COMMD1: variants seen among roughly 807,000 people sequenced by gnomAD.
COMMD1 encodes the protein COMM domain-containing protein 1.
A neutral mutation model predicts 17.2 loss-of-function variants in COMMD1; 10 were observed. The observed-to-expected ratio is 0.58, with a 90% confidence interval of 0.36 to 0.99. The LOEUF (loss-of-function observed/expected upper bound fraction) is 0.99, where lower values mean the gene tolerates loss of function less well. COMMD1 is among the 50% of genes least tolerant of loss of function. The pLI is 0.01. For missense variants in COMMD1, 270 were observed against 231.8 expected (o/e 1.17, Z -1.07); for synonymous variants, 97 against 91.6 (o/e 1.06, Z -0.34).
chr2:62,081,319 T>G (rs1393968724), intron 2 of COMMD1, among the ~76,000 whole-genome samples: 10 of 151,662 alleles, frequency 6.6e-5, no homozygotes, highest in Admixed American at 5.9e-4. Flanking sequence ...TGGCGTGATC[T>G]CGGCTCACTG....
intron 2 of COMMD1, among the ~76,000 whole-genome samples, chr2:62,076,120 C>G (rs1215486407): frequency 6.6e-6 from 1 of 152,220 alleles, no homozygotes; most frequent in East Asian, 1.9e-4. Flanking sequence ...CTGACTCTGC[C>G]TGACTGTGGT....
intron 1 of COMMD1, among the ~76,000 whole-genome samples, chr2:61,993,281 G>T (rs1668644831): frequency 6.6e-6 from 1 of 152,192 alleles, no homozygotes; most frequent in Non-Finnish European, 1.5e-5. Context: ...TATTATTAGA[G>T]AATTATTTCA....
chr2:61,918,316 T>G (rs1254417707), intron 1 of COMMD1, among the ~76,000 whole-genome samples: 1 of 152,230 alleles, frequency 6.6e-6, no homozygotes, highest in African/African-American at 2.4e-5. Flanking sequence ...ACTGAACATT[T>G]TTGAGACTTT....
At chr2:61,894,449 GAA>G (rs113752125) in intron 1 of COMMD1, among the ~76,000 whole-genome samples, 33 of 141,690 alleles carry the variant, frequency 2.3e-4, no homozygotes, top group African/African-American at 8.3e-4. Context: ...CTGGAAGAAT[GAA>G]AAAAAAAAAA....
intron 1 of COMMD1, among the ~76,000 whole-genome samples, chr2:61,997,684 G>A (rs1573048167): frequency 6.6e-6 from 1 of 152,202 alleles, no homozygotes; most frequent in Admixed American, 6.5e-5. Flanking sequence ...AGCACGGGCA[G>A]AGTAGATTTA....
chr2:62,008,493 C>G (rs935612512), intron 2 of COMMD1, among the ~76,000 whole-genome samples: 1 of 152,134 alleles, frequency 6.6e-6, no homozygotes, highest in African/African-American at 2.4e-5. Context: ...TATCAACGTT[C>G]AGTCACCATT....
rs999640704 is a variant in COMMD1 at position 61,938,856 on chromosome 2, G to C, written c.180+32998G>C. Among the ~76,000 whole-genome samples, 5 of 152,264 alleles carry C rather than the reference G, an allele frequency of 3.3e-5. No homozygotes were observed. In the East Asian group the frequency reaches 9.6e-4, roughly 29 times the overall value. ...AACATTAATATTTTGACAATCAAAAGAGTATTTGTATGTCAGAACAGAAAA... is the reference window on the plus strand; with the variant it reads ...AACATTAATATTTTGACAATCAAAACAGTATTTGTATGTCAGAACAGAAAA... On this transcript the variant is annotated intron_variant, in intron 1 of 2. Coordinates refer to ENST00000311832, the MANE Select transcript of COMMD1 (RefSeq NM_152516.4).
intron 1 of COMMD1, among the ~76,000 whole-genome samples, chr2:61,950,498 G>A (rs546656726): frequency 6.6e-6 from 1 of 152,258 alleles, no homozygotes; most frequent in East Asian, 1.9e-4. Context: ...GATTAATATG[G>A]GATTCCTCTA....
At chr2:62,068,481 T>G (rs958504808) in intron 2 of COMMD1, among the ~76,000 whole-genome samples, 2 of 152,106 alleles carry the variant, frequency 1.3e-5, no homozygotes, top group African/African-American at 4.8e-5. Flanking sequence ...TTAGACTTCA[T>G]CAAAATTAAA....
At chr2:61,895,834 A>G (rs1267821423) in intron 1 of COMMD1, among the ~76,000 whole-genome samples, 1 of 152,138 alleles carries the variant, frequency 6.6e-6, no homozygotes, top group East Asian at 1.9e-4. Context: ...TAATAGGCGC[A>G]TTGTCTGCAG....
intron 1 of COMMD1, among the ~76,000 whole-genome samples, chr2:61,922,264 G>T (rs904349012): frequency 8.5e-5 from 13 of 152,150 alleles, no homozygotes; most frequent in Non-Finnish European, 1.8e-4. Flanking sequence ...TTGTTAATCT[G>T]GTTTTGAAGA....
intron 1 of COMMD1, chr2:61,918,499 C>G (rs1670104743): frequency 6.6e-6 from 1 of 152,140 alleles, no homozygotes; most frequent in Non-Finnish European, 1.5e-5. Flanking sequence ...GCCAAATGTC[C>G]TGTAAATCTT....
chr2:62,086,402 T>C (rs1671669680), intron 2 of COMMD1, among the ~76,000 whole-genome samples: 2 of 149,836 alleles, frequency 1.3e-5, no homozygotes, highest in African/African-American at 4.9e-5. Flanking sequence ...TCCCAGCTGC[T>C]GGGAAGGCTG....
chr2:62,067,519 G>A (rs112995163), intron 2 of COMMD1, among the ~76,000 whole-genome samples: 36 of 152,194 alleles, frequency 2.4e-4, no homozygotes, highest in Non-Finnish European at 4.6e-4. Flanking sequence ...AGAGTAACAA[G>A]AGAAAAGCTT....
chr2:61,940,634 C>G (rs1279601877), intron 1 of COMMD1, among the ~76,000 whole-genome samples: 1 of 152,058 alleles, frequency 6.6e-6, no homozygotes, highest in Non-Finnish European at 1.5e-5. Context: ...ATTTTCCAGT[C>G]TAGGGCAAAT....
chr2:61,901,656 A>G (rs1669659233), upstream of COMMD1, among the ~76,000 whole-genome samples: 1 of 152,182 alleles, frequency 6.6e-6, no homozygotes, highest in African/African-American at 2.4e-5. Flanking sequence ...AGGACCTACT[A>G]CTTATTTAAT....
At chr2:62,063,131 C>T (rs960771445) in intron 2 of COMMD1, among the ~76,000 whole-genome samples, 8 of 152,060 alleles carry the variant, frequency 5.3e-5, no homozygotes, top group Admixed American at 1.3e-4. Flanking sequence ...GCAGGAGAAT[C>T]GCTTGAACCC....
intron 2 of COMMD1, among the ~76,000 whole-genome samples, chr2:62,071,994 G>GTT (rs35662724): frequency 2.8e-5 from 4 of 144,994 alleles, no homozygotes; most frequent in Non-Finnish European, 4.6e-5. Flanking sequence ...TTGTTAAATT[G>GTT]TTTTTTTTTT....
At chr2:62,013,106 T>C (rs1434292598) in intron 2 of COMMD1, among the ~76,000 whole-genome samples, 4 of 152,110 alleles carry the variant, frequency 2.6e-5, no homozygotes, top group Non-Finnish European at 4.4e-5. Context: ...GATTCACCTA[T>C]GGAGAATGGA....
Sources: allele counts gnomAD v4.1 joint callset (sites outside exome capture counted in the v4.1 genomes callset), GRCh38; gene constraint gnomAD v4.1.1; transcripts MANE v1.5; gene names NCBI Gene and HGNC (gene_info 2026-07-23, HGNC 2026-07-21).